ADGRD1: variants seen among roughly 807,000 people sequenced by gnomAD.
ADGRD1 encodes adhesion G protein-coupled receptor D1.
ADGRD1 carries 77 observed loss-of-function variants against 113.4 expected under a neutral mutation model. That is an observed-to-expected ratio of 0.68 (90% confidence interval 0.57 to 0.82). The LOEUF (loss-of-function observed/expected upper bound fraction) is 0.82. ADGRD1 is among the 40% of genes least tolerant of loss of function. The pLI is 0.00. For missense variants in ADGRD1, 1,036 were observed against 1,139.1 expected, an observed-to-expected ratio of 0.91 and a Z score of 1.30; for synonymous variants, 474 against 475.0, an observed-to-expected ratio of 1.00 and a Z score of 0.03.
intron 4 of ADGRD1, among the ~76,000 whole-genome samples, chr12:130,973,809 G>A (rs141214241): frequency 0.015 from 1,295 of 87,166 alleles, 6 homozygotes; most frequent in Non-Finnish European, 0.021. Context: ...ATATAAACCG[G>A]GGGTGCGGTG....
chr12:131,061,126 A>T (rs1221040950), intron 13 of ADGRD1, among the ~76,000 whole-genome samples: 4 of 152,202 alleles, frequency 2.6e-5, no homozygotes, highest in African/African-American at 9.6e-5. Context: ...AATGAGGCTT[A>T]TAACATCAGG....
At chr12:131,080,441 A>G (rs4759839) in intron 14 of ADGRD1, among the ~76,000 whole-genome samples, 132,557 of 152,112 alleles carry the variant, frequency 0.87, 58,342 homozygotes, top group East Asian at 1. Flanking sequence ...GAAAAAAAGT[A>G]TATTCTTGGT....
At chr12:131,028,027 A>T (rs569591265) in intron 13 of ADGRD1, 14 of 152,196 alleles carry the variant, frequency 9.2e-5, no homozygotes, top group African/African-American at 2.6e-4. Context: ...GTCGAGGGGC[A>T]TGTTCAGCAT....
At chr12:131,018,098 T>C (rs1445824300) in intron 13 of ADGRD1, among the ~76,000 whole-genome samples, 1 of 152,094 alleles carries the variant, frequency 6.6e-6, no homozygotes, top group Non-Finnish European at 1.5e-5. Context: ...GGAAAGTGAT[T>C]TGTTTTGTCT....
At chr12:131,127,929 CCCTGAGCTCAGG>C in intron 20 of ADGRD1, among the ~76,000 whole-genome samples, 4 of 47,238 alleles carry the variant, frequency 8.5e-5, no homozygotes, top group Admixed American at 8.1e-4. Context: ...TGTGATGGGA[CCCTGAGCTCAGG>C]TGGGGTGTTG....
At chr12:131,068,360 C>A (rs1213445620) in intron 13 of ADGRD1, among the ~76,000 whole-genome samples, 1 of 152,112 alleles carries the variant, frequency 6.6e-6, no homozygotes, top group African/African-American at 2.4e-5. Context: ...ATTAGACAGA[C>A]CAGAATCTCA....
rs1392696574 is a variant in ADGRD1 at position 131,113,214 on chromosome 12, T to G, written c.2041+4337T>G. On this transcript the variant is annotated intron_variant, in intron 18 of 24. Coordinates refer to ENST00000261654, the MANE Select transcript of ADGRD1 (RefSeq NM_198827.5). This position sits in a 1 kb window ranked among gnomAD's most constrained non-coding sequence, Gnocchi z 4.9. ...CTTGAGCCAGTTTTTCTCAATTTGC[T>G]GTAAACCCTTAGGAAAATGTACAGA... is the stretch of plus-strand genomic sequence containing the variant. Among the ~76,000 whole-genome samples the G allele has an allele frequency of 6.6e-6, 1 of 152,236 alleles. No individual in the cohort carries two copies. The highest frequency in any genetic ancestry group is 1.5e-5 in the Non-Finnish European group (1 of 68,046).
rs545991251 is a variant in ADGRD1, at chr12:131,105,616, T to C, written c.1776-138T>C. 1.3e-4 allele frequency: 83 copies of C among 642,736 alleles called. No homozygotes were observed. The African/African-American group carries it at 1.3e-3, about 10-fold the overall frequency. 39.8% of individuals were successfully genotyped at this position (642,736 alleles called of 1,614,324 possible). On this transcript the variant is annotated intron_variant, in intron 16 of 24. Coordinates refer to ENST00000261654, the MANE Select transcript of ADGRD1 (RefSeq NM_198827.5). ...AAGAGCAATAGGGAGCCATCGATGG[T>C]CCACAGCAGGGAGTGACAGCAACCC...
chr12:130,991,033 T>C lies in ADGRD1; in HGVS notation c.765T>C (p.Ser255=). Residue 255 remains serine (S), a synonymous_variant, in exon 7 of 25, where the codon TCT becomes TCC. Transcript: ENST00000261654. ...TTCCAGGAAAGCATGCTTTATTGTCTTCAACGCTGCCAAGCCTCTTCATGA... is the reference window on the plus strand; with the variant it reads ...TTCCAGGAAAGCATGCTTTATTGTCCTCAACGCTGCCAAGCCTCTTCATGA... ...TAAIGKHALL[S]STLPSLFMTS... The C allele has an allele frequency of 6.2e-7, 1 of 1,614,128 alleles. No homozygotes were observed. The highest frequency in any genetic ancestry group is 8.5e-7 in the Non-Finnish European group (1 of 1,179,952).
intron 14 of ADGRD1, among the ~76,000 whole-genome samples, chr12:131,081,773 T>C (rs1886087793): frequency 6.6e-6 from 1 of 151,912 alleles, no homozygotes; most frequent in African/African-American, 2.4e-5. Context: ...GTGTAGATTT[T>C]TGTCTAGTAT....
rs979657540 is a variant in ADGRD1, at chr12:131,104,842, A to C, written c.1683A>C (p.Gly561=). ...MQVVPLELAR[G]HQVALSSISY... ...TCTGCTCCCCGCAGCTTGCACGCGG[A>C]CACCAGGTGGCGCTGTCGTCTATCA... Residue 561 remains glycine, a synonymous_variant, in exon 16 of 25, where the codon GGA becomes GGC. Coordinates refer to ENST00000261654, the MANE Select transcript of ADGRD1 (RefSeq NM_198827.5). 1 of 1,548,186 alleles carries C rather than the reference A, an allele frequency of 6.5e-7. No individual in the cohort carries two copies. Among genetic ancestry groups the C allele is most frequent in the Non-Finnish European group, 8.7e-7 (1 of 1,146,838 alleles).
At chr12:131,038,112 G>A (rs1881731459) in intron 13 of ADGRD1, among the ~76,000 whole-genome samples, 1 of 152,200 alleles carries the variant, frequency 6.6e-6, no homozygotes, top group Non-Finnish European at 1.5e-5. Context: ...ACTACACTGG[G>A]TCTCACTCAC....
At chr12:131,076,757 T>C in intron 13 of ADGRD1, 44 bp from the exon 14 acceptor site, 3 of 1,567,966 alleles carry the variant, frequency 1.9e-6, no homozygotes, top group Non-Finnish European at 2.6e-6. Context: ...ACCAGGGGCC[T>C]CTTCAGCAGC....
intron 13 of ADGRD1, among the ~76,000 whole-genome samples, chr12:131,032,915 C>T (rs111382013): frequency 7.5e-5 from 2 of 26,786 alleles, no homozygotes; most frequent in Non-Finnish European, 7.4e-5. Flanking sequence ...AGAGGTGACG[C>T]TTATTAGAGA....
At chr12:131,015,575 AATGGAG>A (rs1337792453) in intron 13 of ADGRD1, among the ~76,000 whole-genome samples, 1 of 116,538 alleles carries the variant, frequency 8.6e-6, no homozygotes, top group Non-Finnish European at 1.8e-5. Context: ...TGGAGATGGG[AATGGAG>A]ATGGAGATGG....
intron 8 of ADGRD1, chr12:130,994,312 G>A (rs1245848386): frequency 1.4e-5 from 6 of 431,520 alleles, no homozygotes; most frequent in Non-Finnish European, 2.8e-5. Context: ...TGTTGAGATG[G>A]GCTACAAGGG....
intron 15 of ADGRD1, among the ~76,000 whole-genome samples, chr12:131,087,727 GC>G (rs11352282): frequency 0.77 from 117,659 of 151,934 alleles, 47,820 homozygotes; most frequent in East Asian, 0.92. Context: ...CAGTCCCCAC[GC>G]CCCCCCCATG....
chr12:131,063,852 T>A (rs1411761269), intron 13 of ADGRD1, among the ~76,000 whole-genome samples: 1 of 152,258 alleles, frequency 6.6e-6, no homozygotes, highest in Non-Finnish European at 1.5e-5. Context: ...AGGAATTACA[T>A]TAAGACTGTA....
chr12:131,002,559 A>G (rs895872612), intron 9 of ADGRD1: 20 of 1,031,096 alleles, frequency 1.9e-5, no homozygotes, highest in Non-Finnish European at 2.3e-5. Flanking sequence ...GCAGGGCTTA[A>G]GAGAGGCCTC....
Sources: gnomAD v4.1 joint callset for allele counts (sites outside exome capture counted in the v4.1 genomes callset) on GRCh38, gnomAD v4.1.1 for gene constraint, Gnocchi (gnomAD v3.1) non-coding constraint, MANE v1.5 for transcripts, NCBI Gene and HGNC (gene_info 2026-07-23, HGNC 2026-07-21) for gene names.